The following SYT9 variants were observed in gnomAD, a reference collection of about 807,000 sequenced individuals.
SYT9 encodes the protein synaptotagmin 9.
In SYT9, 22 loss-of-function variants were observed where a neutral mutation model predicts 48.4. That is an observed-to-expected ratio of 0.45 (90% CI 0.32 to 0.65). SYT9 has a LOEUF of 0.65. Ranked by LOEUF, SYT9 falls within the 30% of genes least tolerant of loss-of-function variation. SYT9 has a pLI of 0.03. For missense variants in SYT9, 577 were observed against 622.0 expected (o/e 0.93, Z 0.77); for synonymous variants, 265 against 245.0 (o/e 1.08, Z -0.76).
At chr11:7,257,936 GC>G (rs772779723) in intron 1 of SYT9, among the ~76,000 whole-genome samples, 3 of 152,154 alleles carry the variant, frequency 2.0e-5, no homozygotes, top group Non-Finnish European at 4.4e-5. Flanking sequence ...ATCACAGGCA[GC>G]CCTATGGCCA....
intron 1 of SYT9, among the ~76,000 whole-genome samples, chr11:7,273,438 G>A (rs1848332049): frequency 6.6e-6 from 1 of 152,012 alleles, no homozygotes; most frequent in Admixed American, 6.6e-5. Context: ...ACTATATGTA[G>A]CCAAGAGAGC....
intron 6 of SYT9, among the ~76,000 whole-genome samples, chr11:7,460,567 A>T (rs1848218398): frequency 6.6e-6 from 1 of 152,168 alleles, no homozygotes; most frequent in African/African-American, 2.4e-5. Flanking sequence ...TTTAGGTGAA[A>T]TGATGTTAAG....
chr11:7,281,319 A>G (rs1018491869), intron 1 of SYT9, among the ~76,000 whole-genome samples: 1 of 152,234 alleles, frequency 6.6e-6, no homozygotes. Context: ...CTGGGAAACT[A>G]TTTATGACTC....
chr11:7,252,184 G>GT lies in SYT9; in HGVS notation c.-3_-2insT. On this transcript the variant is annotated 5_prime_UTR_variant, in exon 1 of 7. Transcript: ENST00000318881. This position sits in a 1 kb window ranked among gnomAD's most constrained non-coding sequence, Gnocchi z 6.3. ...CGGCGCGGTCCGAGGATGCGGGGGG[G>GT]CGATGCCCGGGGCCAGGGACGCGCT... 2.1e-6 allele frequency: 3 copies of GT among 1,446,954 alleles called. No homozygotes were observed. Among genetic ancestry groups the GT allele is most frequent in the Non-Finnish European group, 2.7e-6 (3 of 1,101,830 alleles). The allele number at this position is 1,446,954 out of a possible 1,614,324, so 89.6% of individuals were successfully genotyped here.
rs761288372 is a variant in SYT9, at chr11:7,449,833, G to A, written c.1468-16959G>A. Among the ~76,000 whole-genome samples the A allele has an allele frequency of 1.6e-4, 24 of 152,148 alleles. 1 individual carries two copies. Among genetic ancestry groups the A allele is most frequent in the African/African-American group, 4.3e-4 (18 of 41,498 alleles). On this transcript the variant is annotated intron_variant, in intron 6 of 6. Coordinates refer to ENST00000318881, the MANE Select transcript of SYT9 (RefSeq NM_175733.4). ...TCTCTCCTCATGTACCCATTTATTCGTCCATTCCCCAGTGTTTGTGAGCAT... is the reference window on the plus strand; with the variant it reads ...TCTCTCCTCATGTACCCATTTATTCATCCATTCCCCAGTGTTTGTGAGCAT...
intron 3 of SYT9, among the ~76,000 whole-genome samples, chr11:7,392,605 A>G (rs1011803861): frequency 1.3e-5 from 2 of 152,006 alleles, no homozygotes; most frequent in Admixed American, 6.6e-5. Context: ...TTTGTTTCAT[A>G]TGAATTTTAG....
At chr11:7,371,354 A>C (rs919020452) in intron 3 of SYT9, among the ~76,000 whole-genome samples, 27 of 152,090 alleles carry the variant, frequency 1.8e-4, no homozygotes, top group Non-Finnish European at 3.5e-4. Context: ...CACTTACTCT[A>C]TTCTTTTAAA....
At position 7,330,947 on chromosome 11, in the gene SYT9, C is replaced by A. The variant is rs529043438; in HGVS notation, c.1044+17006C>A. Among the ~76,000 whole-genome samples, 3 of 151,938 alleles carry A rather than the reference C, an allele frequency of 2.0e-5. No homozygotes were observed. The East Asian group carries it at 5.9e-4, about 30-fold the overall frequency. Reference sequence around the variant, plus strand: ...CCTGACCTCAAGCAATACAGGTGTCCACCACCATGCCCAGCTAATTTTTGT... The same window carrying A: ...CCTGACCTCAAGCAATACAGGTGTCAACCACCATGCCCAGCTAATTTTTGT... On this transcript the variant is annotated intron_variant, in intron 3 of 6. Coordinates refer to ENST00000318881, the MANE Select transcript of SYT9 (RefSeq NM_175733.4).
intron 3 of SYT9, among the ~76,000 whole-genome samples, chr11:7,397,919 A>G (rs7108499): frequency 0.65 from 98,118 of 152,054 alleles, 33,176 homozygotes; most frequent in Non-Finnish European, 0.75. Context: ...TAAGCATTGC[A>G]TTGGAAGTTA....
At chr11:7,358,511 A>G (rs982007925) in intron 3 of SYT9, among the ~76,000 whole-genome samples, 1 of 152,182 alleles carries the variant, frequency 6.6e-6, no homozygotes, top group Non-Finnish European at 1.5e-5. Context: ...GGGGCAAGCA[A>G]GTATTCTTGT....
chr11:7,407,871 G>C (rs371640141), intron 3 of SYT9, among the ~76,000 whole-genome samples: 1 of 152,092 alleles, frequency 6.6e-6, no homozygotes, highest in East Asian at 1.9e-4. Flanking sequence ...TATCTATCCT[G>C]TTCCATTTGC....
rs528022019 is a variant in SYT9 at position 7,243,071 on chromosome 11, T to TAAATAA, written c.49+4158_49+4159insTAAAAA. 9.9e-5 allele frequency among the ~76,000 whole-genome samples: 15 copies of TAAATAA among 151,000 alleles called. No individual in the cohort carries two copies. The East Asian group carries it at 1.5e-3, about 16-fold the overall frequency. On this transcript the variant is annotated intron_variant and NMD_transcript_variant, in intron 1 of 8. Transcript: ENST00000524820. Reference sequence around the variant, plus strand: ...CAATAAATAAATAAATAAATAAATATAAAGTATTACCAATATGAACAGGAT... The same window carrying TAAATAA: ...CAATAAATAAATAAATAAATAAATATAAATAAAAAGTATTACCAATATGAACAGGAT...
In SYT9 at chr11:7,420,570, G is replaced by A. The variant is rs764679439; in HGVS notation, c.1402G>A (p.Asp468Asn). ...CAACGAGGCTGAGAGGCTGGGCAGA[G>A]ACCACTGGAGTGAAATGTTGTCATA... is the stretch of plus-strand genomic sequence containing the variant. ...VGNEAERLGR[D>N]HWSEMLSYPR... The change falls in exon 6 of 7, where the codon GAC becomes AAC. Residue 468 changes from aspartate to asparagine, a missense_variant. Asp to Asn is a conservative substitution (Grantham distance 23). Transcript: ENST00000318881. 3.7e-6 allele frequency: 6 copies of A among 1,614,086 alleles called. No homozygotes were observed. The highest frequency in any genetic ancestry group is 1.3e-5 in the African/African-American group (1 of 74,936).
At chr11:7,244,800 CA>C (rs1381939429) in intron 1 of SYT9, among the ~76,000 whole-genome samples, 3 of 152,140 alleles carry the variant, frequency 2.0e-5, no homozygotes, top group South Asian at 2.1e-4. Context: ...CTCACAGGAA[CA>C]GGGGTAAGGA....
intron 2 of SYT9, among the ~76,000 whole-genome samples, chr11:7,311,258 C>T (rs1021166868): frequency 1.3e-5 from 2 of 152,144 alleles, no homozygotes; most frequent in East Asian, 1.9e-4. Flanking sequence ...GCCGAGATCG[C>T]GCCATTGCAC....
At chr11:7,247,305 T>TGCATCCTC (rs2119732743), upstream of SYT9, among the ~76,000 whole-genome samples, 1 of 152,028 alleles carries the variant, frequency 6.6e-6, no homozygotes, top group African/African-American at 2.4e-5. Context: ...CTTATGTCTT[T>TGCATCCTC]GCATCCTCAC....
chr11:7,255,117 A>G (rs1847944173), intron 1 of SYT9, among the ~76,000 whole-genome samples: 1 of 152,226 alleles, frequency 6.6e-6, no homozygotes, highest in Non-Finnish European at 1.5e-5. Context: ...TTTTGTCCAT[A>G]GAAAGCAATT....
At chr11:7,312,599 T>C (rs747014628) in intron 2 of SYT9, among the ~76,000 whole-genome samples, 17 of 152,214 alleles carry the variant, frequency 1.1e-4, no homozygotes, top group Non-Finnish European at 2.4e-4. Flanking sequence ...ACTTACAGGG[T>C]GAAGAAGACT....
chr11:7,248,293 G>GT (rs796104501), upstream of SYT9, among the ~76,000 whole-genome samples: 1,419 of 147,740 alleles, frequency 9.6e-3, 15 homozygotes, highest in Non-Finnish European at 0.014. Flanking sequence ...TTACTCTGCT[G>GT]TTTTTTTTTT....
Sources: gnomAD v4.1 joint callset for allele counts (sites outside exome capture counted in the v4.1 genomes callset) on GRCh38, gnomAD v4.1.1 for gene constraint, Gnocchi (gnomAD v3.1) non-coding constraint, MANE v1.5 for transcripts, NCBI Gene and HGNC (gene_info 2026-07-23, HGNC 2026-07-21) for gene names.